The following AGAP1 variants were observed in gnomAD, a reference collection of about 807,000 sequenced individuals.
AGAP1 encodes ArfGAP with GTPase domain, ankyrin repeat and PH domain 1.
A neutral mutation model predicts 105.3 loss-of-function variants in AGAP1; 29 were observed. That is an observed-to-expected ratio of 0.28 (90% CI 0.21 to 0.38). The LOEUF (loss-of-function observed/expected upper bound fraction) is 0.38. AGAP1 is among the 10% of genes least tolerant of loss of function. The pLI, the probability that AGAP1 is intolerant of heterozygous loss-of-function variation, is 1.00. For synonymous variants in AGAP1, 509 were observed against 485.9 expected (o/e 1.05, Z -0.63); for missense variants, 998 against 1,165.1 (o/e 0.86, Z 2.09).
Position 235,725,458 on chromosome 2 carries a change from T to TAGAGTTTA in AGAP1, c.310+7815_310+7822dup, listed in dbSNP as rs1049787672. On this transcript the variant is annotated intron_variant, in intron 3 of 17. Transcript: ENST00000304032. The surrounding 1 kb of genome is among the most constrained non-coding windows in gnomAD (Gnocchi z 5.7). ...TCAGCTACCACTGCATCCCAGATGT[T>TAGAGTTTA]AGAGTTTATTTCTAAAGCTGTTCTT... is the stretch of plus-strand genomic sequence containing the variant. 2.0e-5 allele frequency among the ~76,000 whole-genome samples: 3 copies of TAGAGTTTA among 152,112 alleles called. No individual in the cohort carries two copies. The highest frequency in any genetic ancestry group is 6.5e-5 in the Admixed American group (1 of 15,270).
In AGAP1 at chr2:235,631,993, G is replaced by A. The variant is rs1946844443; in HGVS notation, c.164-77186G>A. Among the ~76,000 whole-genome samples, 1 of 152,230 alleles carries A rather than the reference G, an allele frequency of 6.6e-6. No homozygotes were observed. The highest frequency in any genetic ancestry group is 1.5e-5 in the Non-Finnish European group (1 of 68,042). On this transcript the variant is annotated intron_variant, in intron 1 of 17. Coordinates refer to ENST00000304032, the MANE Select transcript of AGAP1 (RefSeq NM_001037131.3). The surrounding 1 kb of genome is among the most constrained non-coding windows in gnomAD (Gnocchi z 5.4). ...GGACAGCAAGGGTCATGTTGGCATT[G>A]GAAGGGGTCTGGGTTTATGGGGTCA...
chr2:235,754,467 G>A lies in AGAP1; in HGVS notation c.673+3979G>A, dbSNP rs925431999. Reference sequence around the variant, plus strand: ...ATCCAGCTGCTTCCATTGCCCTGCGGAGGCCATGTTCCTGATTGGCTCTGT... The same window carrying A: ...ATCCAGCTGCTTCCATTGCCCTGCGAAGGCCATGTTCCTGATTGGCTCTGT... On this transcript the variant is annotated intron_variant, in intron 6 of 17. Transcript: ENST00000304032. This position sits in a 1 kb window ranked among gnomAD's most constrained non-coding sequence, Gnocchi z 4.6. Among the ~76,000 whole-genome samples the A allele has an allele frequency of 4.6e-5, 7 of 151,738 alleles. No homozygotes were observed. The highest frequency in any genetic ancestry group is 8.8e-5 in the Non-Finnish European group (6 of 68,002).
intron 12 of AGAP1, among the ~76,000 whole-genome samples, chr2:235,944,951 G>A (rs1001836359): frequency 6.6e-6 from 1 of 152,122 alleles, no homozygotes; most frequent in Non-Finnish European, 1.5e-5. Flanking sequence ...TTCTCCTGGG[G>A]GACGGTGGTA....
At position 236,014,698 on chromosome 2, in the gene AGAP1, C is replaced by T. The variant is rs1053501667; in HGVS notation, c.1646-21863C>T. 6 of 361,014 alleles carry T rather than the reference C, an allele frequency of 1.7e-5. No homozygotes were observed. Among genetic ancestry groups the T allele is most frequent in the Admixed American group, 7.9e-5 (2 of 25,456 alleles). The allele number at this position is 361,014 out of a possible 1,614,324, so 22.4% of individuals were successfully genotyped here. A position where few individuals can be genotyped will look rare whatever the true frequency, so the allele number is the denominator to read the frequency against. ...CTTCGCGCAGACAGCTCGGAGGCAA[C>T]GTCACGTGCTACTTTGACCTTTTTT... On this transcript the variant is annotated intron_variant, in intron 13 of 17. Transcript: ENST00000304032. The surrounding 1 kb of genome is among the most constrained non-coding windows in gnomAD (Gnocchi z 6.3).
intron 6 of AGAP1, among the ~76,000 whole-genome samples, chr2:235,794,956 A>G (rs912934498): frequency 6.6e-6 from 1 of 152,244 alleles, no homozygotes; most frequent in Non-Finnish European, 1.5e-5. Context: ...CAATGGTTAT[A>G]AAAAGCTTCC....
At chr2:235,913,967 G>A (rs2051749365) in intron 11 of AGAP1, among the ~76,000 whole-genome samples, 1 of 150,914 alleles carries the variant, frequency 6.6e-6, no homozygotes, top group Admixed American at 6.6e-5. Flanking sequence ...GCAAAGTTCA[G>A]CATTTTTTTT....
rs929617379 is a variant in AGAP1, at chr2:235,970,079, G to A, written c.1645+1456G>A. On this transcript the variant is annotated intron_variant, in intron 13 of 17. Coordinates refer to ENST00000304032, the MANE Select transcript of AGAP1 (RefSeq NM_001037131.3). This position sits in a 1 kb window ranked among gnomAD's most constrained non-coding sequence, Gnocchi z 5.4. Reference sequence around the variant, plus strand: ...TAGCTGGATGTGGTGGCACATGCCTGTAATCCCAGCTACCTGAGAGGCTGA... The same window carrying A: ...TAGCTGGATGTGGTGGCACATGCCTATAATCCCAGCTACCTGAGAGGCTGA... 1.3e-5 allele frequency among the ~76,000 whole-genome samples: 2 copies of A among 152,016 alleles called. No individual in the cohort carries two copies. The highest frequency in any genetic ancestry group is 4.8e-5 in the African/African-American group (2 of 41,386).
At chr2:235,773,936 C>T (rs1164394727) in intron 6 of AGAP1, 5 of 469,232 alleles carry the variant, frequency 1.1e-5, no homozygotes, top group Non-Finnish European at 1.8e-5. Flanking sequence ...AGACAATCAA[C>T]TCTTCATCTC....
rs980299728 is a variant in AGAP1 at position 235,600,656 on chromosome 2, C to G, written c.163+105807C>G. On this transcript the variant is annotated intron_variant, in intron 1 of 17. Coordinates refer to ENST00000304032, the MANE Select transcript of AGAP1 (RefSeq NM_001037131.3). The surrounding 1 kb of genome is among the most constrained non-coding windows in gnomAD (Gnocchi z 4.8). ...CCTGATGTTCGAGGGCAGGAAGCAT[C>G]CAGCACAGGACAAAGATACAGGCTG... 3.9e-5 allele frequency among the ~76,000 whole-genome samples: 6 copies of G among 152,184 alleles called. No individual in the cohort carries two copies. Among genetic ancestry groups the G allele is most frequent in the Admixed American group, 1.3e-4 (2 of 15,274 alleles).
intron 9 of AGAP1, among the ~76,000 whole-genome samples, chr2:235,860,384 G>A (rs2048881038): frequency 6.6e-6 from 1 of 152,066 alleles, no homozygotes; most frequent in Non-Finnish European, 1.5e-5. Context: ...CAAGGAGATG[G>A]CTTATGGATT....
At chr2:235,813,834 A>G (rs910028285) in intron 9 of AGAP1, among the ~76,000 whole-genome samples, 3 of 152,200 alleles carry the variant, frequency 2.0e-5, no homozygotes, top group Non-Finnish European at 2.9e-5. Context: ...AATGAGTGCA[A>G]CGTTTAATGA....
In AGAP1 at chr2:235,745,113, AT is replaced by A. The variant is rs574971106; in HGVS notation, c.538+275del. Among the ~76,000 whole-genome samples, 665 of 152,238 alleles carry A rather than the reference AT, an allele frequency of 4.4e-3. 6 individuals carry two copies. The highest frequency in any genetic ancestry group is 0.015 in the African/African-American group (620 of 41,550). ...TTTTCCCTTGTTTTCTGGAAAAAAA[AT>A]ATATATGTGTGTGTGTATATGTTTT... On this transcript the variant is annotated intron_variant, in intron 5 of 17. Transcript: ENST00000304032.
At position 235,716,067 on chromosome 2, in the gene AGAP1, T is replaced by C. The variant is rs1027057825; in HGVS notation, c.223-1490T>C. Among the ~76,000 whole-genome samples, 2 of 152,200 alleles carry C rather than the reference T, an allele frequency of 1.3e-5. No individual in the cohort carries two copies. The highest frequency in any genetic ancestry group is 4.8e-5 in the African/African-American group (2 of 41,458). On this transcript the variant is annotated intron_variant, in intron 2 of 17. Coordinates refer to ENST00000304032, the MANE Select transcript of AGAP1 (RefSeq NM_001037131.3). This position sits in a 1 kb window ranked among gnomAD's most constrained non-coding sequence, Gnocchi z 4.0. The stretch of plus-strand genomic sequence containing the variant: ...ATGCGATTTGGGAATAGGCAGCTTT[T>C]TTTTCCCCCCACATCCAACCTTCTA...
At chr2:235,758,638 GT>G (rs1206729855) in intron 6 of AGAP1, among the ~76,000 whole-genome samples, 5 of 152,150 alleles carry the variant, frequency 3.3e-5, no homozygotes, top group African/African-American at 1.2e-4. Context: ...CATTAAGGGG[GT>G]TCATATTTGA....
At chr2:235,656,857 TTAAC>T (rs1947790159) in intron 1 of AGAP1, among the ~76,000 whole-genome samples, 1 of 152,238 alleles carries the variant, frequency 6.6e-6, no homozygotes, top group Non-Finnish European at 1.5e-5. Flanking sequence ...TTGCAGTCCT[TTAAC>T]ATAACAGAAA....
In AGAP1 at chr2:236,038,381, C is replaced by T. The variant is rs2057445449; in HGVS notation, c.1800+1666C>T. On this transcript the variant is annotated intron_variant, in intron 14 of 17. Coordinates refer to ENST00000304032, the MANE Select transcript of AGAP1 (RefSeq NM_001037131.3). This position sits in a 1 kb window ranked among gnomAD's most constrained non-coding sequence, Gnocchi z 4.5. Reference sequence around the variant, plus strand: ...GGCAGACTCTGAGCCCCTGCCACCTCGACCTAATTCAGGAAGATCTGGGAT... The same window carrying T: ...GGCAGACTCTGAGCCCCTGCCACCTTGACCTAATTCAGGAAGATCTGGGAT... 6.6e-6 allele frequency among the ~76,000 whole-genome samples: 1 copy of T among 152,194 alleles called. No individual in the cohort carries two copies. The highest frequency in any genetic ancestry group is 6.5e-5 in the Admixed American group (1 of 15,284).
intron 15 of AGAP1, among the ~76,000 whole-genome samples, chr2:236,043,079 G>C (rs1263270151): frequency 1.3e-5 from 2 of 152,216 alleles, no homozygotes; most frequent in Non-Finnish European, 2.9e-5. Context: ...AGAATGGAAA[G>C]GCTCAGAAGA....
At chr2:235,688,199 C>T (rs1949562385) in intron 1 of AGAP1, among the ~76,000 whole-genome samples, 1 of 152,210 alleles carries the variant, frequency 6.6e-6, no homozygotes, top group African/African-American at 2.4e-5. Flanking sequence ...AGCCACCACG[C>T]CCAGCCTTGC....
chr2:235,811,443 CT>C (rs971843126), intron 9 of AGAP1, among the ~76,000 whole-genome samples: 12 of 152,252 alleles, frequency 7.9e-5, no homozygotes, highest in Non-Finnish European at 1.0e-4. Context: ...CTCACTACAT[CT>C]TTTGAGACGT....
Sources: allele counts gnomAD v4.1 joint callset (sites outside exome capture counted in the v4.1 genomes callset), GRCh38; gene constraint gnomAD v4.1.1; non-coding constraint Gnocchi (gnomAD v3.1); transcripts MANE v1.5; gene names NCBI Gene and HGNC (gene_info 2026-07-23, HGNC 2026-07-21).